The following TGM6 variants were observed in gnomAD, a reference collection of about 807,000 sequenced individuals.
TGM6 encodes protein-glutamine gamma-glutamyltransferase 6.
In TGM6, 74 loss-of-function variants were observed where a neutral mutation model predicts 77.5. That is an observed-to-expected ratio of 0.96 (90% CI 0.79 to 1.16). The LOEUF (loss-of-function observed/expected upper bound fraction) is 1.16, where lower values mean the gene tolerates loss of function less well. TGM6 is among the 50% of genes most tolerant of loss of function. The pLI is 0.00. For missense variants in TGM6, 968 were observed against 940.2 expected (o/e 1.03, Z -0.39); for synonymous variants, 383 against 378.9 (o/e 1.01, Z -0.12).
At chr20:2,416,671 C>T (rs1272714184) in intron 9 of TGM6, among the ~76,000 whole-genome samples, 1 of 152,148 alleles carries the variant, frequency 6.6e-6, no homozygotes, top group Non-Finnish European at 1.5e-5. Context: ...TTGCCTCCTC[C>T]CTGTTTCCAT....
At chr20:2,392,232 C>T (rs929980710) in intron 1 of TGM6, among the ~76,000 whole-genome samples, 2 of 152,286 alleles carry the variant, frequency 1.3e-5, no homozygotes, top group South Asian at 2.1e-4. Context: ...ATGCCCAGCA[C>T]GTGAATGAAT....
intron 10 of TGM6, among the ~76,000 whole-genome samples, chr20:2,425,866 T>A (rs13045070): frequency 0.22 from 33,824 of 152,032 alleles, 3,916 homozygotes; most frequent in South Asian, 0.3. Flanking sequence ...TGTTCGAAAC[T>A]ATACAATTTA....
chr20:2,430,079 C>T (rs2122441052), intron 10 of TGM6, among the ~76,000 whole-genome samples: 2 of 152,278 alleles, frequency 1.3e-5, no homozygotes, highest in South Asian at 4.2e-4. Flanking sequence ...GCTCAATAAA[C>T]AGAGAAGGAT....
intron 10 of TGM6, among the ~76,000 whole-genome samples, chr20:2,429,903 G>A (rs1279771849): frequency 1.3e-5 from 2 of 152,204 alleles, no homozygotes; most frequent in Non-Finnish European, 2.9e-5. Context: ...TGAGAGCACT[G>A]GGAGGAGGTG....
rs774291276 is a variant in TGM6, at chr20:2,395,338, T to C, written c.326T>C (p.Ile109Thr). 6.2e-6 allele frequency: 10 copies of C among 1,614,132 alleles called. No homozygotes were observed. Among genetic ancestry groups the C allele is most frequent in the Admixed American group, 1.7e-5 (1 of 60,006 alleles). Residue 109 changes from isoleucine to threonine, a missense_variant, in exon 3 of 13, where the codon ATT becomes ACT. Coordinates refer to ENST00000202625, the MANE Select transcript of TGM6 (RefSeq NM_198994.3). ...VSLASPPSAV[I>T]GRYLLSIRLS... is the part of the protein sequence containing the mutation. ...CTCGCCAGCCCTCCCAGTGCTGTCA[T>C]TGGCCGCTACCTGCTGAGCATCAGG... is the stretch of plus-strand genomic sequence containing the variant.
rs912560340 is a variant in TGM6, at chr20:2,416,905, G to C, written c.1337-327G>C. Reference sequence around the variant, plus strand: ...CTCGGCTTCCTTGTCTGTTAAATGTGGGTGATGATAATACCTCTGTAGTAC... The same window carrying C: ...CTCGGCTTCCTTGTCTGTTAAATGTCGGTGATGATAATACCTCTGTAGTAC... On this transcript the variant is annotated intron_variant, in intron 9 of 12. Coordinates refer to ENST00000202625, the MANE Select transcript of TGM6 (RefSeq NM_198994.3). 2.0e-5 allele frequency among the ~76,000 whole-genome samples: 3 copies of C among 152,102 alleles called. No individual in the cohort carries two copies. The South Asian group carries it at 6.2e-4, about 32-fold the overall frequency.
intron 1 of TGM6, among the ~76,000 whole-genome samples, chr20:2,389,605 C>T (rs1359411375): frequency 1.3e-5 from 2 of 152,224 alleles, no homozygotes; most frequent in South Asian, 2.1e-4. Context: ...ATTGAATTGA[C>T]ACATCTTACC....
rs1599978778 is a variant in TGM6 at position 2,432,748 on chromosome 20, C to T, written c.*105C>T. On this transcript the variant is annotated 3_prime_UTR_variant, in exon 13 of 13. Coordinates refer to ENST00000202625, the MANE Select transcript of TGM6 (RefSeq NM_198994.3). ...CAGGAGGCCTCAGTTAATCCTGCCT[C>T]AACCTCTGCCCTACTTTGTAAACTT... 14 of 1,508,298 alleles carry T rather than the reference C, an allele frequency of 9.3e-6. No homozygotes were observed. The East Asian group carries it at 3.2e-4, about 34-fold the overall frequency. The allele number at this position is 1,508,298 out of a possible 1,614,324, so 93.4% of individuals were successfully genotyped here.
At chr20:2,406,738 G>A (rs1020318644) in intron 9 of TGM6, among the ~76,000 whole-genome samples, 6 of 148,964 alleles carry the variant, frequency 4.0e-5, no homozygotes, top group Non-Finnish European at 7.4e-5. Flanking sequence ...GGGAGGCTGA[G>A]GCAGGAGAAT....
intron 1 of TGM6, among the ~76,000 whole-genome samples, chr20:2,384,793 A>G (rs891365085): frequency 2.6e-5 from 4 of 152,180 alleles, no homozygotes; most frequent in African/African-American, 9.6e-5. Flanking sequence ...TGGAGGGGCT[A>G]TGAGGCTTGG....
At chr20:2,418,706 T>C (rs931896457) in intron 10 of TGM6, among the ~76,000 whole-genome samples, 2 of 152,266 alleles carry the variant, frequency 1.3e-5, no homozygotes, top group African/African-American at 2.4e-5. Context: ...TAGTATTTCA[T>C]AGCAGAAGAG....
At chr20:2,428,104 T>G (rs2084900424) in intron 10 of TGM6, among the ~76,000 whole-genome samples, 1 of 152,200 alleles carries the variant, frequency 6.6e-6, no homozygotes, top group African/African-American at 2.4e-5. Context: ...ATATATTGCA[T>G]AATTTCTATT....
chr20:2,404,877 G>A (rs1716320113), intron 9 of TGM6, among the ~76,000 whole-genome samples: 1 of 152,150 alleles, frequency 6.6e-6, no homozygotes, highest in South Asian at 2.1e-4. Flanking sequence ...CTGACCTCAG[G>A]TGATCTACTC....
intron 10 of TGM6, among the ~76,000 whole-genome samples, chr20:2,420,402 C>T (rs1202548731): frequency 2.6e-5 from 4 of 152,150 alleles, no homozygotes; most frequent in Admixed American, 6.5e-5. Context: ...TCCACCACCA[C>T]GCCTCTCCTC....
Position 2,423,955 on chromosome 20 carries a change from G to A in TGM6, c.1678+6382G>A, listed in dbSNP as rs550439778. On this transcript the variant is annotated intron_variant, in intron 10 of 12. Transcript: ENST00000202625. ...CATTGTCAATGAGCAGTAATACTTTGACAAGAATCTTCTTTTCTGATCAGT... is the reference window on the plus strand; with the variant it reads ...CATTGTCAATGAGCAGTAATACTTTAACAAGAATCTTCTTTTCTGATCAGT... Among the ~76,000 whole-genome samples, 4 of 152,264 alleles carry A rather than the reference G, an allele frequency of 2.6e-5. No individual in the cohort carries two copies. In the South Asian group the frequency reaches 8.3e-4, roughly 32 times the overall value.
intron 9 of TGM6, among the ~76,000 whole-genome samples, chr20:2,410,844 A>T (rs1164484637): frequency 6.6e-6 from 1 of 152,202 alleles, no homozygotes; most frequent in East Asian, 1.9e-4. Context: ...AACATATTAG[A>T]TAACTTTAGA....
At position 2,431,369 on chromosome 20, in the gene TGM6, T is replaced by C. The variant is rs543903965; in HGVS notation, c.1967+342T>C. On this transcript the variant is annotated intron_variant, in intron 12 of 12. Coordinates refer to ENST00000202625, the MANE Select transcript of TGM6 (RefSeq NM_198994.3). ...TGCTTACTCTTTATTCACTCATTTG[T>C]TCATTTTTTCATTCACTTATTCCTA... 7.2e-5 allele frequency among the ~76,000 whole-genome samples: 11 copies of C among 152,358 alleles called. 1 individual carries two copies. The South Asian group carries it at 2.3e-3, about 32-fold the overall frequency.
chr20:2,390,591 C>T lies in TGM6; in HGVS notation c.8-3861C>T, dbSNP rs79980134. On this transcript the variant is annotated intron_variant, in intron 1 of 12. Coordinates refer to ENST00000202625, the MANE Select transcript of TGM6 (RefSeq NM_198994.3). ...GCTGAAGATTCACTAATGAACAAAA[C>T]AGACACAGCTCCCTGCCCTTATGCA... 9.4e-3 allele frequency among the ~76,000 whole-genome samples: 1,433 copies of T among 152,296 alleles called. 27 individuals are homozygous for T. The highest frequency in any genetic ancestry group is 0.033 in the African/African-American group (1,365 of 41,560).
Position 2,396,516 on chromosome 20 carries a change from GT to G in TGM6, c.438del (p.Leu147TrpfsTer41). On this transcript the variant is annotated frameshift_variant, in exon 4 of 13. Coordinates refer to ENST00000202625, the MANE Select transcript of TGM6 (RefSeq NM_198994.3). LOFTEE classifies it high-confidence loss of function. ...ATGACTGCTTTTCAGAGGACGATGT[GT>G]TTCTGGCCTCAGAGGAGGAGAGACA... is the stretch of plus-strand genomic sequence containing the variant. The part of the protein sequence containing the change: ...FNPWCAEDDV[F>X]LASEEERQEY... 1 of 1,614,206 alleles carries G rather than the reference GT, an allele frequency of 6.2e-7. No homozygotes were observed. The highest frequency in any genetic ancestry group is 8.5e-7 in the Non-Finnish European group (1 of 1,180,024).
Sources: gnomAD v4.1 joint callset for allele counts (sites outside exome capture counted in the v4.1 genomes callset) on GRCh38, gnomAD v4.1.1 for gene constraint, MANE v1.5 for transcripts, NCBI Gene and HGNC (gene_info 2026-07-23, HGNC 2026-07-21) for gene names.